PTPRF: variants seen among roughly 807,000 people sequenced by gnomAD.
PTPRF encodes the protein receptor-type tyrosine-protein phosphatase F.
In PTPRF, 59 loss-of-function variants were observed where a neutral mutation model predicts 201.8. That is an observed-to-expected ratio of 0.29 (90% confidence interval 0.24 to 0.36). The LOEUF (loss-of-function observed/expected upper bound fraction) is 0.36, where lower values mean the gene tolerates loss of function less well. Among genes scored for constraint, PTPRF ranks in the 10% least tolerant of loss-of-function variants. The pLI, the probability that PTPRF is intolerant of heterozygous loss-of-function variation, is 1.00. For synonymous variants in PTPRF, 1,088 were observed against 1,089.7 expected (o/e 1.00, Z 0.03); for missense variants, 2,132 against 2,690.5 (o/e 0.79, Z 4.59).
chr1:43,545,559 G>C (rs938772014), intron 3 of PTPRF, among the ~76,000 whole-genome samples: 1 of 152,136 alleles, frequency 6.6e-6, no homozygotes. Flanking sequence ...CAGGGCATGC[G>C]TATGGATGTG....
At chr1:43,596,101 T>C (rs938242349) in intron 11 of PTPRF, among the ~76,000 whole-genome samples, 2 of 151,654 alleles carry the variant, frequency 1.3e-5, no homozygotes, top group African/African-American at 4.9e-5. Flanking sequence ...GCGATATTGG[T>C]GAGAGTGTGG....
In PTPRF at chr1:43,546,224, G is replaced by C. The variant is rs948666139; in HGVS notation, c.91+1058G>C. Among the ~76,000 whole-genome samples, 2 of 152,204 alleles carry C rather than the reference G, an allele frequency of 1.3e-5. No individual in the cohort carries two copies. The highest frequency in any genetic ancestry group is 6.5e-5 in the Admixed American group (1 of 15,288). On this transcript the variant is annotated intron_variant, in intron 3 of 33. Coordinates refer to ENST00000359947, the MANE Select transcript of PTPRF (RefSeq NM_002840.5). The surrounding 1 kb of genome is among the most constrained non-coding windows in gnomAD (Gnocchi z 4.2). Reference sequence around the variant, plus strand: ...ATTATTCAGGAACTGATTCTGGAGTGGGGTGGGACTGGTGTGGTCCCGCCC... The same window carrying C: ...ATTATTCAGGAACTGATTCTGGAGTCGGGTGGGACTGGTGTGGTCCCGCCC...
At chr1:43,540,205 G>A (rs959673784) in intron 2 of PTPRF, among the ~76,000 whole-genome samples, 1 of 152,156 alleles carries the variant, frequency 6.6e-6, no homozygotes, top group Non-Finnish European at 1.5e-5. Flanking sequence ...CCCCAGTCTC[G>A]ACAATCAAAA....
chr1:43,526,140 GGA>G (rs1643099154), upstream of PTPRF, among the ~76,000 whole-genome samples: 1 of 152,222 alleles, frequency 6.6e-6, no homozygotes, highest in Non-Finnish European at 1.5e-5. Context: ...AGCGGAAGGA[GGA>G]GAGGTGTGTG....
At chr1:43,602,156 C>T (rs1653917392) in intron 14 of PTPRF, 59 bp downstream of exon 14, 1 of 1,547,202 alleles carries the variant, frequency 6.5e-7, no homozygotes, top group Non-Finnish European at 8.9e-7. Context: ...TCGTGGGACG[C>T]TCCTCCTCTC....
At chr1:43,612,848 T>C (rs1474244153) in intron 22 of PTPRF, 2 of 1,324,942 alleles carry the variant, frequency 1.5e-6, no homozygotes, top group Admixed American at 3.9e-5. Context: ...GGCTTCTGTG[T>C]CTGTTTCCAC....
chr1:43,530,593 G>T (rs115046251), upstream of PTPRF, among the ~76,000 whole-genome samples: 432 of 152,268 alleles, frequency 2.8e-3, 3 homozygotes, highest in African/African-American at 1.0e-2. The surrounding 1 kb of genome is among the most constrained non-coding windows in gnomAD (Gnocchi z 4.1). Context: ...AGGAAATGGG[G>T]TCCTAGAGTG....
In PTPRF at chr1:43,620,465, C is replaced by T. The variant is rs1450905649; in HGVS notation, c.5250C>T (p.His1750=). 6.2e-7 allele frequency: 1 copy of T among 1,612,366 alleles called. No individual in the cohort carries two copies. Among genetic ancestry groups the T allele is most frequent in the African/African-American group, 1.3e-5 (1 of 75,016 alleles). The change falls in exon 31 of 34, where the codon CAC becomes CAT. Residue 1750 remains histidine (H), a synonymous_variant. Coordinates refer to ENST00000359947, the MANE Select transcript of PTPRF (RefSeq NM_002840.5). ...KLREMGREKC[H]QYWPAERSAR... ...CCCTCTGTCCACAGGAGAAATGCCACCAGTACTGGCCAGCAGAGCGCTCTG... is the reference window on the plus strand; with the variant it reads ...CCCTCTGTCCACAGGAGAAATGCCATCAGTACTGGCCAGCAGAGCGCTCTG...
At chr1:43,606,731 A>G in intron 20 of PTPRF, 83 bp from the exon 21 acceptor site, 1 of 1,540,104 alleles carries the variant, frequency 6.5e-7, no homozygotes, top group African/African-American at 1.4e-5. Context: ...CCAGACCCAG[A>G]GCCCTTTCTC....
At chr1:43,605,113 A>G (rs1654753691) in intron 17 of PTPRF, 77 bp from the exon 18 acceptor site, 3 of 1,575,354 alleles carry the variant, frequency 1.9e-6, no homozygotes, top group Non-Finnish European at 2.6e-6. Context: ...GTGGTTGTGT[A>G]TCCGTGCACT....
chr1:43,570,649 A>G (rs79265289), intron 6 of PTPRF, among the ~76,000 whole-genome samples: 1 of 151,912 alleles, frequency 6.6e-6, no homozygotes, highest in Non-Finnish European at 1.5e-5. Context: ...GTGCCCTCCC[A>G]CTCCCTGGGA....
chr1:43,538,398 G>A (rs1644157546), intron 2 of PTPRF, 121 bp downstream of exon 2: 1 of 396,694 alleles, frequency 2.5e-6, no homozygotes, highest in East Asian at 3.6e-5. Context: ...TCAGCAGGGG[G>A]CATGACATGA....
At chr1:43,584,817 C>T in intron 7 of PTPRF, among the ~76,000 whole-genome samples, 1 of 152,218 alleles carries the variant, frequency 6.6e-6, no homozygotes, top group East Asian at 1.9e-4. Flanking sequence ...CTCATCCCCT[C>T]CTTAATGTTG....
intron 23 of PTPRF, among the ~76,000 whole-genome samples, chr1:43,614,370 G>C (rs1657215397): frequency 6.6e-6 from 1 of 152,196 alleles, no homozygotes; most frequent in Non-Finnish European, 1.5e-5. Context: ...TGCTCAGGCT[G>C]TACAAGTCCC....
Position 43,619,291 on chromosome 1 carries a change from G to A in PTPRF, c.4650G>A (p.Ala1550=), listed in dbSNP as rs777794911. 2 of 1,613,180 alleles carry A rather than the reference G, an allele frequency of 1.2e-6. No individual in the cohort carries two copies. The highest frequency in any genetic ancestry group is 8.5e-7 in the Non-Finnish European group (1 of 1,179,856). ...AAGCTGAGCCCGTGTCCTGCAGCGC[G>A]GGCGTGGGCCGCACCGGCTGCTTCA... ...DAGPMVVHCS[A]GVGRTGCFIV... The change falls in exon 28 of 34, where the codon GCG becomes GCA. Residue 1550 remains alanine (A), a synonymous_variant. Transcript: ENST00000359947.
At position 43,603,052 on chromosome 1, in the gene PTPRF, G is replaced by A. The variant is rs968356832; in HGVS notation, c.2341-364G>A. ...CAGGAGCTGTAGGCTGTGTGCGTGT[G>A]GCTGCCAAGAGCCACGCAAGGTGCT... On this transcript the variant is annotated intron_variant, in intron 14 of 33. Transcript: ENST00000359947. The surrounding 1 kb of genome is among the most constrained non-coding windows in gnomAD (Gnocchi z 5.8). Among the ~76,000 whole-genome samples the A allele has an allele frequency of 1.3e-5, 2 of 152,196 alleles. No individual in the cohort carries two copies. Among genetic ancestry groups the A allele is most frequent in the Non-Finnish European group, 2.9e-5 (2 of 68,016 alleles).
chr1:43,557,630 CA>C (rs71036626), intron 5 of PTPRF, among the ~76,000 whole-genome samples: 111 of 101,014 alleles, frequency 1.1e-3, no homozygotes, highest in Middle Eastern at 6.3e-3. Context: ...GACTCCATCT[CA>C]AAAAAAAAAA....
chr1:43,575,456 C>T (rs1646859061), intron 6 of PTPRF, among the ~76,000 whole-genome samples: 1 of 152,168 alleles, frequency 6.6e-6, no homozygotes. Context: ...GGCAAGCCCT[C>T]CCTTTAGCCT....
At chr1:43,539,164 A>G (rs1644209193) in intron 2 of PTPRF, among the ~76,000 whole-genome samples, 1 of 152,236 alleles carries the variant, frequency 6.6e-6, no homozygotes, top group East Asian at 1.9e-4. Context: ...CAGGAAGCCC[A>G]CCAAAGAGGC....
Sources: gnomAD v4.1 joint callset for allele counts (sites outside exome capture counted in the v4.1 genomes callset) on GRCh38, gnomAD v4.1.1 for gene constraint, Gnocchi (gnomAD v3.1) non-coding constraint, MANE v1.5 for transcripts, NCBI Gene and HGNC (gene_info 2026-07-23, HGNC 2026-07-21) for gene names.